CYP39A1: variants seen among roughly 807,000 people sequenced by gnomAD.
The protein encoded by CYP39A1 is 24-hydroxycholesterol 7-alpha-hydroxylase.
CYP39A1 carries 49 observed loss-of-function variants against 58.1 expected under a neutral mutation model. The ratio of observed to expected loss-of-function variants is 0.84; its 90% CI spans 0.67 to 1.07. CYP39A1 has a LOEUF of 1.07. Among genes scored for constraint, CYP39A1 ranks in the 50% least tolerant of loss-of-function variants. The pLI, the probability that CYP39A1 is intolerant of heterozygous loss-of-function variation, is 0.00. For synonymous variants in CYP39A1, 209 were observed against 187.6 expected, an observed-to-expected ratio of 1.11 and a Z score of -0.93; for missense variants, 531 against 539.4, an observed-to-expected ratio of 0.98 and a Z score of 0.16.
At chr6:46,550,474 G>A (rs771608820) in intron 11 of CYP39A1, 37 bp from the exon 12 acceptor site, 2 of 1,568,006 alleles carry the variant, frequency 1.3e-6, no homozygotes, top group Non-Finnish European at 1.7e-6. Flanking sequence ...GAAATTAAGA[G>A]ACATAAGTCC....
chr6:46,626,659 T>A (rs1433780490), intron 6 of CYP39A1, among the ~76,000 whole-genome samples: 2 of 152,196 alleles, frequency 1.3e-5, no homozygotes, highest in African/African-American at 2.4e-5. Context: ...ATTTAGAGGC[T>A]TTCTTTCAGG....
rs2150472829 is a variant in CYP39A1, at chr6:46,550,212, A to G, written c.*154T>C. 1 of 512,066 alleles carries G rather than the reference A, an allele frequency of 2.0e-6. No homozygotes were observed. Among genetic ancestry groups the G allele is most frequent in the South Asian group, 3.7e-5 (1 of 26,858 alleles). The allele number at this position is 512,066 out of a possible 1,614,324, so 31.7% of individuals were successfully genotyped here. ...TTAGATTCTTGGTCTACTGTTGAAG[A>G]TACCAAACACATGCACCATTTGAAT... On this transcript the variant is annotated 3_prime_UTR_variant, in exon 12 of 12. Transcript: ENST00000275016.
At chr6:46,578,379 C>A (rs1197636235) in intron 10 of CYP39A1, among the ~76,000 whole-genome samples, 4 of 151,878 alleles carry the variant, frequency 2.6e-5, no homozygotes, top group African/African-American at 9.7e-5. Flanking sequence ...AAACCAAGCA[C>A]AAACCAACCC....
chr6:46,586,140 A>G (rs2150509235), intron 10 of CYP39A1: 1 of 835,828 alleles, frequency 1.2e-6, no homozygotes, highest in Admixed American at 6.2e-5. Context: ...AATTACCAAA[A>G]TCATACTAAT....
intron 1 of CYP39A1, among the ~76,000 whole-genome samples, chr6:46,645,376 GTT>G (rs1465160229): frequency 6.6e-6 from 1 of 152,044 alleles, no homozygotes; most frequent in African/African-American, 2.4e-5. Context: ...CTTTGTTGTT[GTT>G]TTGTTTGTTT....
At position 46,553,139 on chromosome 6, in the gene CYP39A1, T is replaced by A. The variant is rs185779436; in HGVS notation, c.1338+628A>T. Among the ~76,000 whole-genome samples the A allele has an allele frequency of 2.0e-5, 3 of 146,910 alleles. No individual in the cohort carries two copies. The East Asian group carries it at 6.1e-4, about 30-fold the overall frequency. ...TAGCCCCTCCCCTGTTCCTACTGGATCAGAAATTCTAGCGATAAATAGCAC... is the reference window on the plus strand; with the variant it reads ...TAGCCCCTCCCCTGTTCCTACTGGAACAGAAATTCTAGCGATAAATAGCAC... On this transcript the variant is annotated intron_variant, in intron 11 of 11. Coordinates refer to ENST00000275016, the MANE Select transcript of CYP39A1 (RefSeq NM_016593.5).
At chr6:46,584,677 C>A (rs1407957351) in intron 10 of CYP39A1, among the ~76,000 whole-genome samples, 3 of 152,084 alleles carry the variant, frequency 2.0e-5, no homozygotes, top group Non-Finnish European at 2.9e-5. Context: ...ACATTTTCAG[C>A]CTTACTTCTC....
intron 6 of CYP39A1, among the ~76,000 whole-genome samples, chr6:46,626,637 C>G (rs1375813025): frequency 6.6e-6 from 1 of 152,038 alleles, no homozygotes; most frequent in Admixed American, 6.5e-5. Flanking sequence ...ATAGGGGAAC[C>G]AAGGGTCCTC....
chr6:46,599,382 A>G lies in CYP39A1; in HGVS notation c.932-3262T>C, dbSNP rs78012976. On this transcript the variant is annotated intron_variant, in intron 7 of 11. Coordinates refer to ENST00000275016, the MANE Select transcript of CYP39A1 (RefSeq NM_016593.5). ...TGAAGAAAAAATCAGATACACAAAA[A>G]TAAAGAGCATGTTCAGATAACAGGA... 6.2e-3 allele frequency among the ~76,000 whole-genome samples: 949 copies of G among 152,280 alleles called. 8 individuals carry two copies. The highest frequency in any genetic ancestry group is 0.022 in the African/African-American group (895 of 41,568).
intron 5 of CYP39A1, among the ~76,000 whole-genome samples, chr6:46,632,379 TAG>T (rs1562009492): frequency 6.6e-6 from 1 of 152,270 alleles, no homozygotes; most frequent in African/African-American, 2.4e-5. Context: ...GTGGTTTTTG[TAG>T]AGTTTTCTTT....
chr6:46,611,543 C>T (rs979975171), intron 7 of CYP39A1, among the ~76,000 whole-genome samples: 14 of 152,294 alleles, frequency 9.2e-5, no homozygotes, highest in Non-Finnish European at 1.9e-4. Flanking sequence ...ACCAAGTCAA[C>T]CATATAAGAT....
chr6:46,644,373 G>A (rs1776521762), intron 1 of CYP39A1, among the ~76,000 whole-genome samples: 1 of 152,088 alleles, frequency 6.6e-6, no homozygotes, highest in South Asian at 2.1e-4. Flanking sequence ...TAAACATTAT[G>A]AAGGCTGGGC....
intron 3 of CYP39A1, among the ~76,000 whole-genome samples, chr6:46,638,889 C>A (rs1482402528): frequency 6.6e-6 from 1 of 152,108 alleles, no homozygotes; most frequent in Non-Finnish European, 1.5e-5. Context: ...CTCCCATGCC[C>A]AGACTTTAAC....
chr6:46,642,717 A>C (rs1477191702), intron 1 of CYP39A1, among the ~76,000 whole-genome samples: 1 of 152,216 alleles, frequency 6.6e-6, no homozygotes, highest in Non-Finnish European at 1.5e-5. Flanking sequence ...ATCCATGGTT[A>C]TTCAACAATG....
chr6:46,613,259 CA>C (rs913214876), intron 7 of CYP39A1, among the ~76,000 whole-genome samples: 4 of 152,194 alleles, frequency 2.6e-5, no homozygotes, highest in Admixed American at 2.6e-4. Flanking sequence ...GGCCATCCCA[CA>C]GTGTTGGTAT....
intron 7 of CYP39A1, among the ~76,000 whole-genome samples, chr6:46,609,645 G>A (rs1278425873): frequency 6.6e-6 from 1 of 152,134 alleles, no homozygotes; most frequent in Non-Finnish European, 1.5e-5. Context: ...CTCCAGAGCT[G>A]AGGACACATA....
intron 11 of CYP39A1, among the ~76,000 whole-genome samples, chr6:46,552,317 T>C (rs1037478330): frequency 5.9e-5 from 9 of 152,162 alleles, no homozygotes; most frequent in African/African-American, 2.2e-4. Context: ...ATATAGCAGG[T>C]AGCTGAGACC....
At chr6:46,634,086 A>T (rs561016816) in intron 5 of CYP39A1, among the ~76,000 whole-genome samples, 24 of 152,244 alleles carry the variant, frequency 1.6e-4, no homozygotes, top group Non-Finnish European at 3.2e-4. Flanking sequence ...GAAGCCACCA[A>T]AATCTCATCT....
chr6:46,622,344 AT>A (rs1775005988), intron 7 of CYP39A1, among the ~76,000 whole-genome samples: 1 of 151,914 alleles, frequency 6.6e-6, no homozygotes, highest in Non-Finnish European at 1.5e-5. Flanking sequence ...CTATGATTAT[AT>A]ATATATAATT....
Sources: allele counts gnomAD v4.1 joint callset (sites outside exome capture counted in the v4.1 genomes callset), GRCh38; gene constraint gnomAD v4.1.1; transcripts MANE v1.5; gene names NCBI Gene and HGNC (gene_info 2026-07-23, HGNC 2026-07-21).